USP12: variants seen among roughly 807,000 people sequenced by gnomAD.
The protein encoded by USP12 is ubiquitin carboxyl-terminal hydrolase 12.
Under a neutral mutation model 45.5 loss-of-function variants are expected in USP12, and 19 were observed. That is an observed-to-expected ratio of 0.42 (90% confidence interval 0.29 to 0.61). USP12 has a LOEUF of 0.61. Among genes scored for constraint, USP12 ranks in the 20% least tolerant of loss-of-function variants. The pLI, the probability that USP12 is intolerant of heterozygous loss-of-function variation, is 0.22. For synonymous variants in USP12, 149 were observed against 148.8 expected (o/e 1.00, Z -0.01); for missense variants, 242 against 447.7 (o/e 0.54, Z 4.15).
intron 1 of USP12, among the ~76,000 whole-genome samples, chr13:27,125,090 T>G (rs1262384095): frequency 6.6e-6 from 1 of 152,320 alleles, no homozygotes; most frequent in Admixed American, 6.5e-5. Context: ...CACTACCATC[T>G]TCTTTTTCAG....
chr13:27,111,104 T>TATA (rs1251623622), intron 2 of USP12, among the ~76,000 whole-genome samples: 1 of 152,184 alleles, frequency 6.6e-6, no homozygotes, highest in African/African-American at 2.4e-5. Flanking sequence ...ACAGTAATAT[T>TATA]ATAATCAATT....
intron 3 of USP12, among the ~76,000 whole-genome samples, chr13:27,103,660 C>A (rs1334754512): frequency 6.9e-6 from 1 of 145,570 alleles, no homozygotes; most frequent in Non-Finnish European, 1.5e-5. Flanking sequence ...TGCCTGTAAT[C>A]CAACACTTTG....
chr13:27,156,496 A>C (rs1341426244), intron 1 of USP12, among the ~76,000 whole-genome samples: 1 of 152,242 alleles, frequency 6.6e-6, no homozygotes, highest in Non-Finnish European at 1.5e-5. Context: ...GGTAATTTCA[A>C]CAATGATTGG....
chr13:27,163,112 A>T (rs76211776), intron 1 of USP12, among the ~76,000 whole-genome samples: 67,880 of 151,910 alleles, frequency 0.45, 16,273 homozygotes, highest in East Asian at 0.8. Flanking sequence ...GCAAATTTTG[A>T]AAAATCAATG....
In USP12 at chr13:27,171,669, A is replaced by C; in HGVS notation, c.-30T>G. On this transcript the variant is annotated 5_prime_UTR_variant, in exon 1 of 9. Transcript: ENST00000282344. ...CCAGCGCCATCTTCCACCCAATCAC[A>C]GCGGCGGCGGCGGGCGGGGGAGGAG... 21 of 1,178,174 alleles carry C rather than the reference A, an allele frequency of 1.8e-5. No individual in the cohort carries two copies. Among genetic ancestry groups the C allele is most frequent in the Admixed American group, 2.6e-5 (1 of 37,806 alleles). The allele number at this position is 1,178,174 out of a possible 1,614,324, so 73.0% of individuals were successfully genotyped here.
rs372827060 is a variant in USP12 at position 27,152,683 on chromosome 13, T to C, written c.48+18909A>G. Among the ~76,000 whole-genome samples the C allele has an allele frequency of 1.7e-4, 25 of 151,374 alleles. No individual in the cohort carries two copies. In the East Asian group the frequency reaches 4.5e-3, roughly 27 times the overall value. On this transcript the variant is annotated intron_variant, in intron 1 of 8. Transcript: ENST00000282344. ...ATGTGCCGGGCGTGGTGGCTCCCGC[T>C]TGTAATCCCAGCACTTTGGGAGGCC...
intron 1 of USP12, among the ~76,000 whole-genome samples, chr13:27,151,591 G>T (rs1260792349): frequency 6.6e-6 from 1 of 151,930 alleles, no homozygotes; most frequent in Non-Finnish European, 1.5e-5. Flanking sequence ...GACCAGCCTG[G>T]GCAAAACACA....
At chr13:27,090,190 T>C (rs761104217) in intron 4 of USP12, 32 bp from the exon 5 acceptor site, 20 of 1,539,096 alleles carry the variant, frequency 1.3e-5, no homozygotes, top group Non-Finnish European at 1.7e-5. Flanking sequence ...TTTGATTTTT[T>C]CAAATACTAG....
intron 1 of USP12, among the ~76,000 whole-genome samples, chr13:27,123,943 C>T (rs541411915): frequency 6.6e-6 from 1 of 152,252 alleles, no homozygotes; most frequent in South Asian, 2.1e-4. Context: ...CAGAAATCAC[C>T]ATCCAAGTGA....
At chr13:27,157,410 G>A (rs1011193378) in intron 1 of USP12, among the ~76,000 whole-genome samples, 1 of 152,004 alleles carries the variant, frequency 6.6e-6, no homozygotes, top group African/African-American at 2.4e-5. Flanking sequence ...GATGTTCTAG[G>A]TATGATCTCT....
At chr13:27,115,752 C>G (rs1225874842) in intron 2 of USP12, among the ~76,000 whole-genome samples, 2 of 152,074 alleles carry the variant, frequency 1.3e-5, no homozygotes, top group Non-Finnish European at 2.9e-5. Flanking sequence ...GCTTTTTCCC[C>G]ACATTTCACA....
chr13:27,121,222 G>A (rs1875967171), intron 1 of USP12, among the ~76,000 whole-genome samples: 1 of 151,794 alleles, frequency 6.6e-6, no homozygotes. Context: ...CAGGGAGAAA[G>A]GAGAAACATC....
chr13:27,078,993 T>TAAA (rs370076279), intron 6 of USP12, among the ~76,000 whole-genome samples: 15 of 143,702 alleles, frequency 1.0e-4, no homozygotes, highest in African/African-American at 1.8e-4. Context: ...TGTCCTCTGA[T>TAAA]AAAAAAAAAA....
chr13:27,079,829 C>A (rs1385784005), intron 6 of USP12, among the ~76,000 whole-genome samples: 1 of 152,194 alleles, frequency 6.6e-6, no homozygotes, highest in Admixed American at 6.5e-5. Context: ...CCTGACCACA[C>A]AGAAAAGCTT....
intron 3 of USP12, among the ~76,000 whole-genome samples, chr13:27,098,637 G>C (rs1874710706): frequency 6.6e-6 from 1 of 152,120 alleles, no homozygotes; most frequent in Admixed American, 6.5e-5. Context: ...CGTTGTAAAG[G>C]CAATTTTGGT....
At position 27,171,673 on chromosome 13, in the gene USP12, G is replaced by C. The variant is rs767884150; in HGVS notation, c.-34C>G. ...CGCCATCTTCCACCCAATCACAGCG[G>C]CGGCGGCGGGCGGGGGAGGAGGGGA... On this transcript the variant is annotated 5_prime_UTR_variant, in exon 1 of 9. Transcript: ENST00000282344. The C allele has an allele frequency of 8.2e-7, 1 of 1,223,322 alleles. No homozygotes were observed. Among genetic ancestry groups the C allele is most frequent in the Non-Finnish European group, 1.1e-6 (1 of 949,676 alleles). 75.8% of individuals were successfully genotyped at this position (1,223,322 alleles called of 1,614,324 possible).
At chr13:27,077,497 T>C (rs1330750937) in intron 6 of USP12, 1 of 152,140 alleles carries the variant, frequency 6.6e-6, no homozygotes, top group Non-Finnish European at 1.5e-5. Flanking sequence ...TAATAGCAGA[T>C]ACAATATGTT....
chr13:27,069,872 A>AGGAGGT (rs969494774), intron 8 of USP12, among the ~76,000 whole-genome samples: 1 of 152,046 alleles, frequency 6.6e-6, no homozygotes, highest in African/African-American at 2.4e-5. Flanking sequence ...GCTTGAACCC[A>AGGAGGT]GGAGGTGGAG....
At chr13:27,087,663 A>G (rs1462710846) in intron 6 of USP12, among the ~76,000 whole-genome samples, 2 of 152,240 alleles carry the variant, frequency 1.3e-5, no homozygotes, top group Admixed American at 6.5e-5. Flanking sequence ...AAGAGAAACC[A>G]GGGCTCCTTG....
Sources: gnomAD v4.1 joint callset for allele counts (sites outside exome capture counted in the v4.1 genomes callset) on GRCh38, gnomAD v4.1.1 for gene constraint, MANE v1.5 for transcripts, NCBI Gene and HGNC (gene_info 2026-07-23, HGNC 2026-07-21) for gene names.